NOMO2: variants seen among roughly 807,000 people sequenced by gnomAD.
The protein encoded by NOMO2 is BOS complex subunit NOMO2.
A neutral mutation model predicts 67.1 loss-of-function variants in NOMO2; 14 were observed. The ratio of observed to expected loss-of-function variants is 0.21; its 90% CI spans 0.14 to 0.33. The LOEUF is 0.33. Among genes scored for constraint, NOMO2 ranks in the 10% least tolerant of loss-of-function variants. The pLI is 1.00. For missense variants in NOMO2, 178 were observed against 761.0 expected, an observed-to-expected ratio of 0.23 and a Z score of 9.01; for synonymous variants, 80 against 305.9, an observed-to-expected ratio of 0.26 and a Z score of 7.71.
chr16:18,537,156 A>C (rs1901443678), intron 11 of NOMO2, among the ~76,000 whole-genome samples: 1 of 152,050 alleles, frequency 6.6e-6, no homozygotes, highest in South Asian at 2.1e-4. Flanking sequence ...CATCCATCCA[A>C]GTACCTATTG....
chr16:18,539,593 C>T (rs2141733335), intron 9 of NOMO2, among the ~76,000 whole-genome samples: 1 of 152,076 alleles, frequency 6.6e-6, no homozygotes, highest in South Asian at 2.1e-4. Flanking sequence ...CCTGTCTCCA[C>T]TAAAAATACA....
intron 9 of NOMO2, among the ~76,000 whole-genome samples, chr16:18,539,268 G>C (rs941307027): frequency 6.7e-6 from 1 of 149,864 alleles, no homozygotes; most frequent in Admixed American, 6.7e-5. Context: ...CCTTACCCCT[G>C]TGCCATCTCC....
chr16:18,531,463 T>C lies in NOMO2; in HGVS notation c.1537+3A>G. ...GTGTTCTTACTTTCCAGTGATATCT[T>C]ACCCAAACAAGAGACTTTCCCAGAA... On this transcript the variant is annotated splice_donor_region_variant and intron_variant, in intron 13 of 30. Coordinates refer to ENST00000622306, the MANE Select transcript of NOMO2 (RefSeq NM_173614.4). 2 of 1,613,030 alleles carry C rather than the reference T, an allele frequency of 1.2e-6. No individual in the cohort carries two copies. The highest frequency in any genetic ancestry group is 1.1e-5 in the South Asian group (1 of 90,986).
At chr16:18,544,500 A>G (rs1901622080) in intron 6 of NOMO2, among the ~76,000 whole-genome samples, 1 of 152,142 alleles carries the variant, frequency 6.6e-6, no homozygotes, top group African/African-American at 2.4e-5. Context: ...TCAAGCAGCC[A>G]CCCTTCAACT....
intron 3 of NOMO2, among the ~76,000 whole-genome samples, chr16:18,553,134 G>A (rs1394320749): frequency 6.6e-6 from 1 of 151,774 alleles, no homozygotes; most frequent in Non-Finnish European, 1.5e-5. Flanking sequence ...AATTAGCTGG[G>A]TGTGGTGGTG....
Position 18,533,104 on chromosome 16 carries a change from G to T in NOMO2, c.1296C>A (p.Val432=), listed in dbSNP as rs1045078150. Residue 432 remains valine (V), a synonymous_variant, in exon 12 of 31, where the codon GTC becomes GTA. Coordinates refer to ENST00000622306, the MANE Select transcript of NOMO2 (RefSeq NM_173614.4). ...TVKQMNKYKV[V]LSSQDKDKSL... is the part of the protein sequence containing the mutation. ...ACTTGTCCTTGTCTTGAGATGACAG[G>T]ACAACTTTGTATTTATTCATCTGCT... is the stretch of plus-strand genomic sequence containing the variant. 1 of 1,611,010 alleles carries T rather than the reference G, an allele frequency of 6.2e-7. No individual in the cohort carries two copies. The highest frequency in any genetic ancestry group is 8.5e-7 in the Non-Finnish European group (1 of 1,179,662).
At chr16:18,536,845 T>A (rs1281184458) in intron 11 of NOMO2, among the ~76,000 whole-genome samples, 1 of 152,136 alleles carries the variant, frequency 6.6e-6, no homozygotes, top group Non-Finnish European at 1.5e-5. Context: ...TGCTTCCCTG[T>A]CTTCCATTCA....
intron 6 of NOMO2, among the ~76,000 whole-genome samples, chr16:18,544,522 G>T (rs1901622262): frequency 6.6e-6 from 1 of 152,060 alleles, no homozygotes; most frequent in African/African-American, 2.4e-5. Flanking sequence ...CTCACAGGCA[G>T]CCAACTGTTC....
intron 6 of NOMO2, among the ~76,000 whole-genome samples, chr16:18,544,185 T>C (rs1901615492): frequency 6.6e-6 from 1 of 151,826 alleles, no homozygotes; most frequent in African/African-American, 2.4e-5. Context: ...TGAGCCACCG[T>C]GCCTGGCTTA....
At chr16:18,535,958 C>T (rs1359709162) in intron 11 of NOMO2, among the ~76,000 whole-genome samples, 10 of 151,902 alleles carry the variant, frequency 6.6e-5, no homozygotes, top group Non-Finnish European at 1.2e-4. Flanking sequence ...CACCATGCCC[C>T]GCCAACCTTT....
intron 6 of NOMO2, among the ~76,000 whole-genome samples, chr16:18,544,804 AAC>A (rs1270429148): frequency 2.6e-5 from 4 of 151,662 alleles, no homozygotes; most frequent in Non-Finnish European, 5.9e-5. Context: ...AGGTACAATA[AAC>A]ACAGAGAAAA....
At chr16:18,558,018 C>T (rs867335172) in intron 1 of NOMO2, among the ~76,000 whole-genome samples, 1 of 151,732 alleles carries the variant, frequency 6.6e-6, no homozygotes, top group African/African-American at 2.4e-5. Context: ...TATTACAATG[C>T]CTTATTTTTC....
At chr16:18,554,313 G>A (rs868511534) in intron 3 of NOMO2, among the ~76,000 whole-genome samples, 5 of 151,868 alleles carry the variant, frequency 3.3e-5, no homozygotes, top group South Asian at 2.1e-4. Context: ...AGGCTGACAC[G>A]GGGGAAGTAA....
chr16:18,529,821 A>T (rs547388025), intron 14 of NOMO2, among the ~76,000 whole-genome samples, 184 bp from the exon 15 acceptor site: 25 of 151,120 alleles, frequency 1.7e-4, no homozygotes, highest in Non-Finnish European at 3.1e-4. Context: ...ATTACTGCTA[A>T]AGAAAACCTG....
chr16:18,558,796 C>G, intron 1 of NOMO2: 1 of 454,920 alleles, frequency 2.2e-6, no homozygotes, highest in Non-Finnish European at 4.4e-6. Flanking sequence ...GGTGTAGACA[C>G]AGAGCCGCTC....
At chr16:18,535,986 C>T (rs1476807844) in intron 11 of NOMO2, among the ~76,000 whole-genome samples, 1 of 151,980 alleles carries the variant, frequency 6.6e-6, no homozygotes, top group African/African-American at 2.4e-5. Flanking sequence ...TTAGTACAGA[C>T]CGGGTTTCAC....
At chr16:18,558,926 C>G (rs1172048265) in intron 1 of NOMO2, 12 of 451,020 alleles carry the variant, frequency 2.7e-5, no homozygotes, top group African/African-American at 2.4e-4. Flanking sequence ...AATCCCAGCA[C>G]TTTGGGAGGC....
intron 11 of NOMO2, chr16:18,533,487 C>T (rs1254369355): frequency 4.7e-6 from 1 of 212,520 alleles, no homozygotes; most frequent in Admixed American, 6.2e-5. Flanking sequence ...TTAAGAAAAT[C>T]TGCAGATAAT....
At chr16:18,537,088 T>G (rs1227388002) in intron 11 of NOMO2, among the ~76,000 whole-genome samples, 1 of 152,050 alleles carries the variant, frequency 6.6e-6, no homozygotes, top group East Asian at 1.9e-4. Flanking sequence ...CTAATTCTAC[T>G]TGCACATACA....
Sources: allele counts gnomAD v4.1 joint callset (sites outside exome capture counted in the v4.1 genomes callset), GRCh38; gene constraint gnomAD v4.1.1; transcripts MANE v1.5; gene names NCBI Gene and HGNC (gene_info 2026-07-23, HGNC 2026-07-21).